Variants in TCHP observed in about 807,000 individuals in gnomAD.
TCHP encodes trichoplein keratin filament-binding protein.
Under a neutral mutation model 88.7 loss-of-function variants are expected in TCHP, and 81 were observed. The ratio of observed to expected loss-of-function variants is 0.91; its 90% CI spans 0.76 to 1.10. The LOEUF (loss-of-function observed/expected upper bound fraction) is 1.10, where lower values mean the gene tolerates loss of function less well. Among genes scored for constraint, TCHP ranks in the 50% least tolerant of loss-of-function variants. The pLI is 0.00. For synonymous variants in TCHP, 232 were observed against 232.5 expected (o/e 1.00, Z 0.02); for missense variants, 641 against 632.1 (o/e 1.01, Z -0.15).
At chr12:109,902,251 G>T (rs1275920917) in intron 1 of TCHP, among the ~76,000 whole-genome samples, 3 of 151,988 alleles carry the variant, frequency 2.0e-5, no homozygotes, top group Non-Finnish European at 4.4e-5. Context: ...GCTCGCTACA[G>T]CCGTGACCTC....
At chr12:109,884,280 C>A in the TCHP span, among the ~76,000 whole-genome samples, 1 of 152,208 alleles carries the variant, frequency 6.6e-6, no homozygotes, top group East Asian at 1.9e-4. Context: ...GCTCCGCCTT[C>A]CGGGTTCACG....
chr12:109,908,819 A>G (rs377230738), intron 7 of TCHP, 52 bp from the exon 8 acceptor site: 81 of 1,601,300 alleles, frequency 5.1e-5, no homozygotes, highest in East Asian at 6.7e-5. Context: ...TCTAACTTCT[A>G]TTTAATTCTT....
At chr12:109,894,787 AAG>A in the TCHP span, among the ~76,000 whole-genome samples, 4 of 149,788 alleles carry the variant, frequency 2.7e-5, no homozygotes, top group South Asian at 6.3e-4. Context: ...AAAAAAAAAA[AAG>A]ACTTTGTTGG....
the TCHP span, among the ~76,000 whole-genome samples, chr12:109,888,685 AC>A: frequency 1.3e-5 from 2 of 152,236 alleles, no homozygotes; most frequent in East Asian, 3.8e-4. Context: ...AATAATAATG[AC>A]AGCTAACATT....
chr12:109,897,329 T>TG (rs1157418772), upstream of TCHP, among the ~76,000 whole-genome samples: 1 of 152,214 alleles, frequency 6.6e-6, no homozygotes, highest in Non-Finnish European at 1.5e-5. Context: ...GGCTGTAATC[T>TG]GGGGACTTCA....
At chr12:109,914,249 T>A (rs1870666699) in intron 10 of TCHP, 193 bp from the exon 11 acceptor site, 1 of 498,934 alleles carries the variant, frequency 2.0e-6, no homozygotes, top group African/African-American at 2.0e-5. Flanking sequence ...AGGGAAACAT[T>A]TCTTGTATAC....
Position 109,915,979 on chromosome 12 carries a change from G to A in TCHP, c.1464+433G>A, listed in dbSNP as rs190760137. On this transcript the variant is annotated intron_variant, in intron 12 of 12. Coordinates refer to ENST00000405876, the MANE Select transcript of TCHP (RefSeq NM_001143852.2). ...GTGTCCTCTTCCTCCCCTCCCTCCC[G>A]TGTGTGTATCTGTTTCTCTGCCTCT... Among the ~76,000 whole-genome samples the A allele has an allele frequency of 2.0e-3, 310 of 152,004 alleles. 2 individuals are homozygous for A. Among genetic ancestry groups the A allele is most frequent in the African/African-American group, 7.2e-3 (297 of 41,460 alleles).
chr12:109,910,526 A>G (rs1305329441), intron 8 of TCHP, among the ~76,000 whole-genome samples: 1 of 152,148 alleles, frequency 6.6e-6, no homozygotes, highest in African/African-American at 2.4e-5. Flanking sequence ...TTGAACTCCT[A>G]GGCCCAAGTG....
intron 1 of TCHP, 37 bp from the exon 2 acceptor site, chr12:109,902,990 T>C: frequency 6.4e-7 from 1 of 1,554,824 alleles, no homozygotes; most frequent in South Asian, 1.2e-5. Context: ...TTCCTGGGAT[T>C]TGCAGTGGCT....
chr12:109,907,676 G>A lies in TCHP; in HGVS notation c.676G>A (p.Glu226Lys), dbSNP rs776244842. 18 of 1,608,920 alleles carry A rather than the reference G, an allele frequency of 1.1e-5. No homozygotes were observed. In the South Asian group the frequency reaches 1.9e-4, roughly 17 times the overall value. ...CGAGGCACTGCTGCAACAGATGGAGGAGCTGAAGCTGAAGGAGGTGGAGGT... is the reference window on the plus strand; with the variant it reads ...CGAGGCACTGCTGCAACAGATGGAGAAGCTGAAGCTGAAGGAGGTGGAGGT... ...QAEALLQQME[E>K]LKLKEVEATK... The change falls in exon 6 of 13, where the codon GAG becomes AAG. Residue 226 changes from glutamate (E) to lysine (K), a missense_variant. By Grantham distance (56) the Glu-to-Lys change is moderately conservative. Coordinates refer to ENST00000405876, the MANE Select transcript of TCHP (RefSeq NM_001143852.2).
chr12:109,908,572 C>G lies in TCHP; in HGVS notation c.700-14C>G, dbSNP rs1025883577. Reference sequence around the variant, plus strand: ...CTCAGATCTCAGTCGAGCTTACTCTCATCATCACCACAGGCGACCAAACTA... The same window carrying G: ...CTCAGATCTCAGTCGAGCTTACTCTGATCATCACCACAGGCGACCAAACTA... On this transcript the variant is annotated splice_polypyrimidine_tract_variant and intron_variant, in intron 6 of 12. Coordinates refer to ENST00000405876, the MANE Select transcript of TCHP (RefSeq NM_001143852.2). 2 of 1,584,454 alleles carry G rather than the reference C, an allele frequency of 1.3e-6. No homozygotes were observed. The highest frequency in any genetic ancestry group is 2.7e-5 in the African/African-American group (2 of 74,840).
chr12:109,902,167 G>C (rs1372120784), intron 1 of TCHP, among the ~76,000 whole-genome samples: 1 of 152,094 alleles, frequency 6.6e-6, no homozygotes, highest in Non-Finnish European at 1.5e-5. Flanking sequence ...ACGCAGTCCA[G>C]AATTTTTTAT....
At chr12:109,887,153 G>A in the TCHP span, among the ~76,000 whole-genome samples, 1 of 152,096 alleles carries the variant, frequency 6.6e-6, no homozygotes, top group Admixed American at 6.5e-5. Context: ...GCTGGGTGCA[G>A]CAGCTCAAGA....
chr12:109,899,042 C>T (rs1869644056), upstream of TCHP, among the ~76,000 whole-genome samples: 1 of 152,162 alleles, frequency 6.6e-6, no homozygotes, highest in South Asian at 2.1e-4. Flanking sequence ...TGGTCTTCAA[C>T]TCCTGACCTC....
intron 3 of TCHP, 128 bp from the exon 4 acceptor site, chr12:109,904,609 A>G (rs1416384809): frequency 4.1e-6 from 3 of 729,788 alleles, no homozygotes; most frequent in East Asian, 2.6e-5. Context: ...GAGGGTTTGA[A>G]CAGTGGTTGC....
rs1196252275 is a variant in TCHP, at chr12:109,917,272, C to T, written c.*649C>T. ...GCATTTTGGTAGAATTTCCATAGAGCATTGTCTGTGAGTGACTGATCCCAA... is the reference window on the plus strand; with the variant it reads ...GCATTTTGGTAGAATTTCCATAGAGTATTGTCTGTGAGTGACTGATCCCAA... On this transcript the variant is annotated 3_prime_UTR_variant, in exon 13 of 13. Coordinates refer to ENST00000405876, the MANE Select transcript of TCHP (RefSeq NM_001143852.2). 1 of 152,196 alleles carries T rather than the reference C, an allele frequency of 6.6e-6. No individual in the cohort carries two copies. Among genetic ancestry groups the T allele is most frequent in the Non-Finnish European group, 1.5e-5 (1 of 68,064 alleles). 9.4% of individuals were successfully genotyped at this position (152,196 alleles called of 1,614,324 possible).
chr12:109,913,209 G>T, intron 10 of TCHP, 137 bp downstream of exon 10: 3 of 752,764 alleles, frequency 4.0e-6, no homozygotes, highest in Middle Eastern at 2.4e-4. Flanking sequence ...AAAAATCATT[G>T]AAAAAGTAAT....
the TCHP span, among the ~76,000 whole-genome samples, chr12:109,883,777 T>C: frequency 6.6e-6 from 1 of 152,222 alleles, no homozygotes; most frequent in Non-Finnish European, 1.5e-5. Context: ...CACCTTGCCA[T>C]AGAACATAGG....
chr12:109,889,457 G>C, the TCHP span, among the ~76,000 whole-genome samples: 1 of 127,292 alleles, frequency 7.9e-6, no homozygotes, highest in Admixed American at 7.4e-5. Context: ...GACAGAGAGA[G>C]ACTCCATCTC....
Sources: gnomAD v4.1 joint callset for allele counts (sites outside exome capture counted in the v4.1 genomes callset) on GRCh38, gnomAD v4.1.1 for gene constraint, MANE v1.5 for transcripts, NCBI Gene and HGNC (gene_info 2026-07-23, HGNC 2026-07-21) for gene names.